The following COBL variants were observed in gnomAD, a reference collection of about 807,000 sequenced individuals.
COBL encodes cordon-bleu WH2 repeat protein.
A neutral mutation model predicts 98.8 loss-of-function variants in COBL; 51 were observed. The ratio of observed to expected loss-of-function variants is 0.52; its 90% CI spans 0.41 to 0.65. The LOEUF (loss-of-function observed/expected upper bound fraction) is 0.65, where lower values mean the gene tolerates loss of function less well. Ranked by LOEUF, COBL falls within the 30% of genes least tolerant of loss-of-function variation. COBL has a pLI of 0.00. For missense variants in COBL, 1,617 were observed against 1,617.5 expected, an observed-to-expected ratio of 1.00 and a Z score of 0.01; for synonymous variants, 634 against 651.7, an observed-to-expected ratio of 0.97 and a Z score of 0.41.
At position 51,178,438 on chromosome 7, in the gene COBL, G is replaced by A. The variant is rs1472702917; in HGVS notation, c.783+5664C>T. Among the ~76,000 whole-genome samples the A allele has an allele frequency of 2.0e-5, 3 of 152,080 alleles. No homozygotes were observed. The East Asian group carries it at 5.8e-4, about 29-fold the overall frequency. Reference sequence around the variant, plus strand: ...GTTTATAAGGTTTTATTAAAATTAGGTTTATTGGTAATAATACATTAATAC... The same window carrying A: ...GTTTATAAGGTTTTATTAAAATTAGATTTATTGGTAATAATACATTAATAC... On this transcript the variant is annotated intron_variant, in intron 5 of 12. Coordinates refer to ENST00000265136, the MANE Select transcript of COBL (RefSeq NM_015198.5).
At chr7:51,142,631 G>A (rs1032557478) in intron 5 of COBL, among the ~76,000 whole-genome samples, 2 of 152,074 alleles carry the variant, frequency 1.3e-5, no homozygotes, top group Admixed American at 6.5e-5. Context: ...TGATCCACCC[G>A]CCTTGGCCTC....
At chr7:51,267,355 C>G (rs2129157922) in intron 1 of COBL, among the ~76,000 whole-genome samples, 1 of 152,242 alleles carries the variant, frequency 6.6e-6, no homozygotes, top group Non-Finnish European at 1.5e-5. Context: ...AAAACCAGCG[C>G]AGGACCTGAC....
chr7:51,073,318 C>T (rs1305793149), intron 7 of COBL: 4 of 691,372 alleles, frequency 5.8e-6, no homozygotes, highest in East Asian at 2.7e-5. Context: ...GGGAAAGGTC[C>T]GAGGTCAGGA....
At chr7:51,193,808 T>C (rs1790346927) in intron 2 of COBL, among the ~76,000 whole-genome samples, 1 of 152,112 alleles carries the variant, frequency 6.6e-6, no homozygotes, top group Middle Eastern at 3.2e-3. Context: ...AAGAGAAAAA[T>C]CATAATTAAT....
intron 2 of COBL, among the ~76,000 whole-genome samples, chr7:51,200,997 T>C (rs907425999): frequency 5.9e-5 from 9 of 151,928 alleles, no homozygotes; most frequent in African/African-American, 2.2e-4. Flanking sequence ...TCCCAACACT[T>C]TGGGAGGCCG....
chr7:51,238,076 G>A (rs778353821), intron 1 of COBL, among the ~76,000 whole-genome samples: 10 of 152,228 alleles, frequency 6.6e-5, no homozygotes, highest in South Asian at 6.2e-4. Flanking sequence ...GATGGCCCAC[G>A]CCAGCCACCA....
intron 6 of COBL, among the ~76,000 whole-genome samples, chr7:51,130,287 G>A (rs974125936): frequency 9.2e-5 from 14 of 152,276 alleles, no homozygotes; most frequent in African/African-American, 3.4e-4. Context: ...CCAACTGGCT[G>A]AGGAGTGGCC....
At chr7:51,238,117 G>A (rs1021548129) in intron 1 of COBL, among the ~76,000 whole-genome samples, 8 of 152,228 alleles carry the variant, frequency 5.3e-5, no homozygotes, top group African/African-American at 4.8e-5. Flanking sequence ...CAGAGAGGAC[G>A]CTGGGACCAA....
rs142529681 is a variant in COBL at position 51,118,830 on chromosome 7, C to T, written c.957+17328G>A. 2.6e-4 allele frequency among the ~76,000 whole-genome samples: 40 copies of T among 151,516 alleles called. No individual in the cohort carries two copies. In the East Asian group the frequency reaches 7.4e-3, roughly 28 times the overall value. ...CCTCCTACATTCAACAAGCAAACTA[C>T]GCTCTACACTGCTGGAGCAGGCTGG... On this transcript the variant is annotated intron_variant, in intron 6 of 12. Transcript: ENST00000265136.
At chr7:51,038,545 G>T (rs2128882549) in intron 8 of COBL, among the ~76,000 whole-genome samples, 1 of 152,328 alleles carries the variant, frequency 6.6e-6, no homozygotes, top group East Asian at 1.9e-4. Context: ...AAGAAAACTA[G>T]AACATAGCGA....
rs925735721 is a variant in COBL at position 51,196,657 on chromosome 7, C to CT, written c.246-3069dup. 7.7e-4 allele frequency among the ~76,000 whole-genome samples: 116 copies of CT among 150,328 alleles called. 1 individual carries two copies. Among genetic ancestry groups the CT allele is most frequent in the South Asian group, 4.4e-3 (21 of 4,744 alleles). ...CGTTTGCTCCTGGGCTTTTTCTTTTCTTTTTTTTTGGTTGGTAGGCTATTT... is the reference window on the plus strand; with the variant it reads ...CGTTTGCTCCTGGGCTTTTTCTTTTCTTTTTTTTTTGGTTGGTAGGCTATTT... On this transcript the variant is annotated intron_variant, in intron 2 of 12. Coordinates refer to ENST00000265136, the MANE Select transcript of COBL (RefSeq NM_015198.5).
intron 5 of COBL, among the ~76,000 whole-genome samples, chr7:51,176,600 A>G (rs1401828435): frequency 6.6e-6 from 1 of 152,200 alleles, no homozygotes; most frequent in African/African-American, 2.4e-5. Flanking sequence ...GGTATTTACA[A>G]AAGCTTAAAT....
intron 2 of COBL, among the ~76,000 whole-genome samples, chr7:51,201,815 G>GAA (rs147012070): frequency 0.013 from 1,905 of 150,044 alleles, 37 homozygotes; most frequent in African/African-American, 0.044. Context: ...TTCTAAGAAT[G>GAA]AAAAAAAAAT....
At chr7:51,189,137 A>G (rs530990424) in intron 4 of COBL, among the ~76,000 whole-genome samples, 71 of 152,316 alleles carry the variant, frequency 4.7e-4, no homozygotes, top group African/African-American at 1.6e-3. Context: ...CACAAGATGC[A>G]TTATTCTCAA....
chr7:51,192,622 A>G (rs748205450), intron 3 of COBL, among the ~76,000 whole-genome samples: 84 of 152,238 alleles, frequency 5.5e-4, no homozygotes, highest in Non-Finnish European at 1.1e-3. Flanking sequence ...AACAACAACA[A>G]AAACAATAAA....
chr7:51,028,029 G>T lies in COBL; in HGVS notation c.3067C>A (p.Pro1023Thr), dbSNP rs773343530. Residue 1023 changes from proline to threonine, a missense_variant, in exon 10 of 13, where the codon CCT becomes ACT. This residue lies in a region of COBL where 1,304 missense variants were observed against 1,282.0 expected (regional missense o/e 1.02). Coordinates refer to ENST00000265136, the MANE Select transcript of COBL (RefSeq NM_015198.5). ...GCCTGAGTGTCAGATGTGTGTGGAG[G>T]GGGTGGGTCTGTACCATCAGGTGCG... ...RRAPDGTDPPPPHTSDTQACS... is the reference protein window; with the variant it reads ...RRAPDGTDPPTPHTSDTQACS... 2 of 1,605,920 alleles carry T rather than the reference G, an allele frequency of 1.2e-6. No homozygotes were observed. The highest frequency in any genetic ancestry group is 1.7e-5 in the Admixed American group (1 of 59,602).
chr7:51,195,904 C>T (rs577709221), intron 2 of COBL, among the ~76,000 whole-genome samples: 3 of 152,098 alleles, frequency 2.0e-5, no homozygotes, highest in Non-Finnish European at 4.4e-5. Context: ...AGGGCCAAGA[C>T]TATAGGGTGT....
At chr7:51,069,757 G>A (rs2128921888) in intron 7 of COBL, among the ~76,000 whole-genome samples, 1 of 152,324 alleles carries the variant, frequency 6.6e-6, no homozygotes, top group East Asian at 1.9e-4. Flanking sequence ...AACATACAAG[G>A]AAAGGATGCA....
Position 51,038,338 on chromosome 7 carries a change from G to A in COBL, c.1406+5045C>T, listed in dbSNP as rs1348580469. Among the ~76,000 whole-genome samples the A allele has an allele frequency of 3.3e-5, 5 of 152,164 alleles. No individual in the cohort carries two copies. In the East Asian group the frequency reaches 9.7e-4, roughly 29 times the overall value. ...CTAAATACAACTGCACACAACCCAA[G>A]CAGTGAAGATGCCACTGGGCCAGGA... On this transcript the variant is annotated intron_variant, in intron 8 of 12. Coordinates refer to ENST00000265136, the MANE Select transcript of COBL (RefSeq NM_015198.5).
Sources: gnomAD v4.1 joint callset for allele counts (sites outside exome capture counted in the v4.1 genomes callset) on GRCh38, gnomAD v4.1.1 for gene constraint, gnomAD v4.1.1 regional missense constraint, MANE v1.5 for transcripts, NCBI Gene and HGNC (gene_info 2026-07-23, HGNC 2026-07-21) for gene names.